The following HPSE2 variants were observed in gnomAD, a reference collection of about 807,000 sequenced individuals.
HPSE2 encodes the protein heparanase 2 (inactive).
A neutral mutation model predicts 60.5 loss-of-function variants in HPSE2; 38 were observed. The observed-to-expected ratio is 0.63, with a 90% CI of 0.48 to 0.82. The LOEUF (loss-of-function observed/expected upper bound fraction) is 0.82. Ranked by LOEUF, HPSE2 falls within the 40% of genes least tolerant of loss-of-function variation. The pLI is 0.00. For missense variants in HPSE2, 713 were observed against 740.4 expected (o/e 0.96, Z 0.43); for synonymous variants, 295 against 293.2 (o/e 1.01, Z -0.06).
chr10:98,798,149 C>T (rs184840944), intron 3 of HPSE2, among the ~76,000 whole-genome samples: 5 of 152,050 alleles, frequency 3.3e-5, no homozygotes, highest in African/African-American at 1.2e-4. Context: ...AAACCTCACA[C>T]TCCAGGAGAA....
chr10:99,214,483 C>T (rs1849052798), intron 2 of HPSE2, among the ~76,000 whole-genome samples: 1 of 152,102 alleles, frequency 6.6e-6, no homozygotes, highest in Admixed American at 6.6e-5. Context: ...GTGGTATATT[C>T]ATACAGTGGA....
At chr10:98,881,160 G>A (rs1035919620) in intron 3 of HPSE2, among the ~76,000 whole-genome samples, 1 of 152,098 alleles carries the variant, frequency 6.6e-6, no homozygotes, top group Non-Finnish European at 1.5e-5. Flanking sequence ...GCAAGCAGCT[G>A]TGCAGGAAGA....
intron 2 of HPSE2, among the ~76,000 whole-genome samples, chr10:99,188,950 C>CT (rs920784852): frequency 3.3e-5 from 5 of 152,182 alleles, no homozygotes; most frequent in African/African-American, 9.7e-5. Context: ...CTCCACATGA[C>CT]TTTTTCCTCT....
intron 3 of HPSE2, among the ~76,000 whole-genome samples, chr10:99,016,673 T>G (rs2135415436): frequency 6.6e-6 from 1 of 152,318 alleles, no homozygotes; most frequent in South Asian, 2.1e-4. Flanking sequence ...CATGGAATCT[T>G]TTTCCATTTG....
At chr10:99,071,381 T>G (rs964578878) in intron 3 of HPSE2, among the ~76,000 whole-genome samples, 1 of 152,162 alleles carries the variant, frequency 6.6e-6, no homozygotes, top group African/African-American at 2.4e-5. Flanking sequence ...ATTTTTAATT[T>G]TTTGAGGAAA....
At chr10:98,909,200 T>C (rs908697661) in intron 3 of HPSE2, among the ~76,000 whole-genome samples, 1 of 152,226 alleles carries the variant, frequency 6.6e-6, no homozygotes, top group African/African-American at 2.4e-5. Flanking sequence ...TAATGTATTA[T>C]GCTACTGACA....
intron 5 of HPSE2, among the ~76,000 whole-genome samples, chr10:98,712,258 G>T (rs1404199070): frequency 2.1e-5 from 3 of 145,632 alleles, no homozygotes; most frequent in Non-Finnish European, 4.5e-5. Flanking sequence ...CAGTATTTTT[G>T]TTGTTGTTGT....
chr10:98,889,073 C>T (rs1005080947), intron 3 of HPSE2, among the ~76,000 whole-genome samples: 21 of 152,272 alleles, frequency 1.4e-4, no homozygotes, highest in African/African-American at 5.1e-4. Flanking sequence ...AGATCAATCA[C>T]TTTCTCTTTT....
At chr10:98,547,594 G>A (rs568918919) in intron 9 of HPSE2, among the ~76,000 whole-genome samples, 179 of 134,718 alleles carry the variant, frequency 1.3e-3, no homozygotes, top group African/African-American at 4.8e-3. Context: ...TCATAGGTGG[G>A]AATTGAACAA....
chr10:99,132,576 G>A (rs1414828289), intron 3 of HPSE2, among the ~76,000 whole-genome samples: 3 of 152,072 alleles, frequency 2.0e-5, no homozygotes, highest in Non-Finnish European at 4.4e-5. Flanking sequence ...TGGATAGTAG[G>A]TGCAGCCCAT....
chr10:99,088,717 C>G lies in HPSE2; in HGVS notation c.610+55521G>C, dbSNP rs147746655. 7.3e-3 allele frequency among the ~76,000 whole-genome samples: 1,112 copies of G among 152,248 alleles called. 8 individuals are homozygous for G. Among genetic ancestry groups the G allele is most frequent in the African/African-American group, 0.023 (970 of 41,544 alleles). ...TGACTTATTTTCCTCTGGGTAGATA[C>G]CCAGGAGTGGGATTGCTGGATCAAA... On this transcript the variant is annotated intron_variant, in intron 3 of 11. Transcript: ENST00000370552.
intron 3 of HPSE2, among the ~76,000 whole-genome samples, chr10:98,763,595 T>C (rs772645533): frequency 6.6e-6 from 1 of 152,096 alleles, no homozygotes; most frequent in Non-Finnish European, 1.5e-5. Context: ...ACTCTTTTCC[T>C]CACTTCTTTT....
At chr10:98,606,412 C>T (rs1476771502) in intron 9 of HPSE2, among the ~76,000 whole-genome samples, 1 of 152,192 alleles carries the variant, frequency 6.6e-6, no homozygotes, top group Non-Finnish European at 1.5e-5. Context: ...GAACAGGAAT[C>T]TCTGGGGTTG....
chr10:98,545,311 A>G (rs1303830304), intron 9 of HPSE2, among the ~76,000 whole-genome samples: 2 of 152,170 alleles, frequency 1.3e-5, no homozygotes, highest in Non-Finnish European at 2.9e-5. Flanking sequence ...TTATGAGGCC[A>G]GCATCATCCT....
chr10:98,802,805 G>A (rs549840734), intron 3 of HPSE2, among the ~76,000 whole-genome samples: 11 of 140,588 alleles, frequency 7.8e-5, no homozygotes, highest in Non-Finnish European at 1.2e-4. Context: ...CTTTATAGCA[G>A]CATGATTTAT....
intron 6 of HPSE2, among the ~76,000 whole-genome samples, chr10:98,680,385 T>A (rs1947753772): frequency 6.6e-6 from 1 of 152,202 alleles, no homozygotes; most frequent in Non-Finnish European, 1.5e-5. Flanking sequence ...ATACAAGTGA[T>A]GATGAAATAT....
At chr10:98,999,798 C>G (rs17111066) in intron 3 of HPSE2, among the ~76,000 whole-genome samples, 23,299 of 152,088 alleles carry the variant, frequency 0.15, 2,509 homozygotes, top group African/African-American at 0.3. Flanking sequence ...TAGGCCTGGA[C>G]AAAATCATGC....
At chr10:99,258,484 A>T in the HPSE2 span, among the ~76,000 whole-genome samples, 1 of 152,278 alleles carries the variant, frequency 6.6e-6, no homozygotes, top group East Asian at 1.9e-4. Context: ...GATTCAACAC[A>T]ATCTCAATTA....
At chr10:99,048,107 C>T (rs758830707) in intron 3 of HPSE2, 4 of 936,010 alleles carry the variant, frequency 4.3e-6, no homozygotes, top group Admixed American at 1.9e-5. Context: ...AATCTACAAG[C>T]GTGCTTATGG....
Sources: gnomAD v4.1 joint callset for allele counts (sites outside exome capture counted in the v4.1 genomes callset) on GRCh38, gnomAD v4.1.1 for gene constraint, MANE v1.5 for transcripts, NCBI Gene and HGNC (gene_info 2026-07-23, HGNC 2026-07-21) for gene names.